The following CNST variants were observed in gnomAD, a reference collection of about 807,000 sequenced individuals.
CNST encodes consortin, connexin sorting protein, also known as consortin.
A neutral mutation model predicts 72.4 loss-of-function variants in CNST; 39 were observed. That is an observed-to-expected ratio of 0.54 (90% CI 0.42 to 0.70). The LOEUF (loss-of-function observed/expected upper bound fraction) is 0.70. Ranked by LOEUF, CNST falls within the 30% of genes least tolerant of loss-of-function variation. The pLI is 0.00. For synonymous variants in CNST, 332 were observed against 320.1 expected, an observed-to-expected ratio of 1.04 and a Z score of -0.40; for missense variants, 871 against 868.5, an observed-to-expected ratio of 1.00 and a Z score of -0.04.
rs929941766 is a variant in CNST, at chr1:246,628,060, A to G, written c.586-3834A>G. ...AATTTGGAGTCTGATGGTCGAGGGC[A>G]GGAAACATCCAGCACGCGAGAAAGA... On this transcript the variant is annotated intron_variant, in intron 3 of 10. Transcript: ENST00000366513. Among the ~76,000 whole-genome samples, 8 of 152,308 alleles carry G rather than the reference A, an allele frequency of 5.3e-5. No individual in the cohort carries two copies. In the East Asian group the frequency reaches 1.4e-3, roughly 26 times the overall value.
At chr1:246,662,463 G>T (rs1049622424) in intron 10 of CNST, among the ~76,000 whole-genome samples, 1 of 152,030 alleles carries the variant, frequency 6.6e-6, no homozygotes, top group Admixed American at 6.6e-5. Flanking sequence ...ATCTTGGCTC[G>T]CTGCAACCTC....
chr1:246,606,737 C>T (rs1662860044), intron 2 of CNST: 1 of 151,828 alleles, frequency 6.6e-6, no homozygotes, highest in Non-Finnish European at 1.5e-5. Flanking sequence ...CTTCCTCCTG[C>T]CTTTAAGGAC....
Position 246,566,483 on chromosome 1 carries a change from G to C in CNST, c.-232G>C, listed in dbSNP as rs1017132475. ...GGTCGCGGGCCGCCAGCCTCCAGCC[G>C]GCCAGCCGCGAGGGGTGCGCAGAGG... On this transcript the variant is annotated 5_prime_UTR_variant, in exon 1 of 11. Transcript: ENST00000366513. 2.0e-5 allele frequency: 9 copies of C among 443,954 alleles called. No individual in the cohort carries two copies. Among genetic ancestry groups the C allele is most frequent in the Admixed American group, 7.6e-5 (2 of 26,354 alleles). 27.5% of individuals were successfully genotyped at this position (443,954 alleles called of 1,614,324 possible). A position where few individuals can be genotyped will look rare whatever the true frequency, so the allele number is the denominator to read the frequency against.
intron 6 of CNST, among the ~76,000 whole-genome samples, chr1:246,640,940 C>T (rs953100512): frequency 1.3e-5 from 2 of 152,200 alleles, no homozygotes; most frequent in Non-Finnish European, 2.9e-5. Flanking sequence ...AGATATGGAA[C>T]ATTCCAGCCC....
At chr1:246,648,258 C>T in intron 9 of CNST, 1 of 1,303,336 alleles carries the variant, frequency 7.7e-7, no homozygotes, top group Non-Finnish European at 9.8e-7. Flanking sequence ...TGTTCTATTG[C>T]ATGCCTCCAG....
intron 1 of CNST, among the ~76,000 whole-genome samples, chr1:246,586,387 GAT>G (rs1200197590): frequency 4.1e-5 from 6 of 146,256 alleles, no homozygotes. Flanking sequence ...CTATATCAAA[GAT>G]ATATCAAATA....
At chr1:246,655,001 T>C (rs1666694344) in intron 9 of CNST, among the ~76,000 whole-genome samples, 1 of 152,204 alleles carries the variant, frequency 6.6e-6, no homozygotes, top group African/African-American at 2.4e-5. Context: ...GAAGAACTAT[T>C]AAAGAATTTC....
intron 1 of CNST, among the ~76,000 whole-genome samples, chr1:246,570,484 C>T (rs532541430): frequency 1.3e-5 from 2 of 152,298 alleles, no homozygotes; most frequent in East Asian, 3.9e-4. Flanking sequence ...GAAACATGCC[C>T]TCTTCTCAAC....
At chr1:246,592,303 A>G (rs748116663) in intron 2 of CNST, among the ~76,000 whole-genome samples, 1 of 152,178 alleles carries the variant, frequency 6.6e-6, no homozygotes, top group Non-Finnish European at 1.5e-5. Flanking sequence ...CCTGGCCAAC[A>G]TGGTGAAACG....
intron 1 of CNST, among the ~76,000 whole-genome samples, chr1:246,567,353 C>G (rs556873215): frequency 1.4e-5 from 2 of 148,018 alleles, no homozygotes; most frequent in Non-Finnish European, 3.0e-5. Flanking sequence ...TTTTGGCAGT[C>G]TTTTTTTTTT....
intron 8 of CNST, among the ~76,000 whole-genome samples, chr1:246,645,424 C>CTTTTTTTTTTT (rs1553384186): frequency 1.9e-5 from 2 of 106,102 alleles, no homozygotes; most frequent in African/African-American, 6.6e-5. Flanking sequence ...AAGGTTAAAA[C>CTTTTTTTTTTT]TTTTTTTTTT....
intron 2 of CNST, among the ~76,000 whole-genome samples, chr1:246,593,330 T>C (rs577930523): frequency 1.4e-4 from 22 of 151,956 alleles, no homozygotes; most frequent in African/African-American, 4.1e-4. Context: ...TTTTTTTTTT[T>C]TTCTTTTTTT....
At chr1:246,650,770 T>C (rs1202444745) in intron 9 of CNST, among the ~76,000 whole-genome samples, 1 of 148,762 alleles carries the variant, frequency 6.7e-6, no homozygotes, top group East Asian at 2.0e-4. Context: ...CTCCATCTCC[T>C]GGGTTCAAGC....
At chr1:246,605,600 T>C (rs1263994085) in intron 2 of CNST, among the ~76,000 whole-genome samples, 2 of 151,964 alleles carry the variant, frequency 1.3e-5, no homozygotes, top group Non-Finnish European at 2.9e-5. Flanking sequence ...CTGTCTGATG[T>C]AACGGCTACG....
At chr1:246,640,150 G>T (rs1221693875) in intron 6 of CNST, among the ~76,000 whole-genome samples, 2 of 152,142 alleles carry the variant, frequency 1.3e-5, no homozygotes, top group African/African-American at 4.8e-5. Flanking sequence ...ACTGAACTCA[G>T]TAAAAGGTCA....
intron 1 of CNST, among the ~76,000 whole-genome samples, chr1:246,567,686 A>T (rs1659804208): frequency 6.6e-6 from 1 of 152,252 alleles, no homozygotes; most frequent in African/African-American, 2.4e-5. Context: ...TAAATTTGTT[A>T]GGACATCATA....
intron 2 of CNST, among the ~76,000 whole-genome samples, chr1:246,605,072 A>T (rs773474056): frequency 3.9e-5 from 6 of 152,246 alleles, no homozygotes; most frequent in Admixed American, 6.5e-5. Flanking sequence ...TAAGAAAATC[A>T]TATACTTTCT....
chr1:246,663,763 A>G (rs1667238391), intron 10 of CNST, among the ~76,000 whole-genome samples: 1 of 152,222 alleles, frequency 6.6e-6, no homozygotes, highest in African/African-American at 2.4e-5. Flanking sequence ...AACTATTTTA[A>G]AATGTAAATT....
At position 246,566,639 on chromosome 1, in the gene CNST, C is replaced by T. The variant is rs770707637; in HGVS notation, c.-76C>T. 4 of 401,598 alleles carry T rather than the reference C, an allele frequency of 1.0e-5. No homozygotes were observed. Among genetic ancestry groups the T allele is most frequent in the Non-Finnish European group, 1.8e-5 (4 of 227,568 alleles). The allele number at this position is 401,598 out of a possible 1,614,324, so 24.9% of individuals were successfully genotyped here. On this transcript the variant is annotated 5_prime_UTR_variant, in exon 1 of 11. Transcript: ENST00000366513. ...AAACAGACCCGGCGCCCAGCGGTAG[C>T]CCTCCTTGCGCCTCCGATTCCCAGG...
Sources: allele counts gnomAD v4.1 joint callset (sites outside exome capture counted in the v4.1 genomes callset), GRCh38; gene constraint gnomAD v4.1.1; transcripts MANE v1.5; gene names NCBI Gene and HGNC (gene_info 2026-07-23, HGNC 2026-07-21).